The following UNC5A variants were observed in gnomAD, a reference collection of about 807,000 sequenced individuals.
UNC5A encodes the protein unc-5 netrin receptor A.
UNC5A carries 20 observed loss-of-function variants against 87.4 expected under a neutral mutation model. The observed-to-expected ratio is 0.23, with a 90% CI of 0.16 to 0.33. The LOEUF is 0.33. Ranked by LOEUF, UNC5A falls within the 10% of genes least tolerant of loss-of-function variation. The pLI, the probability that UNC5A is intolerant of heterozygous loss-of-function variation, is 1.00. For missense variants in UNC5A, 844 were observed against 1,133.4 expected (o/e 0.74, Z 3.67); for synonymous variants, 438 against 482.3 (o/e 0.91, Z 1.20).
At chr5:176,830,955 C>T (rs1162636701) in intron 1 of UNC5A, among the ~76,000 whole-genome samples, 1 of 139,878 alleles carries the variant, frequency 7.1e-6, no homozygotes, top group Non-Finnish European at 1.6e-5. Flanking sequence ...TGTGTATGTG[C>T]CGGCGTGTGT....
rs768828608 is a variant in UNC5A, at chr5:176,862,809, G to T, written c.256G>T (p.Asp86Tyr). ...CAACGGGGAGTGGGTGCGCCAGGTG[G>T]ACCACGTGATCGAGCGCAGCACAGA... is the stretch of plus-strand genomic sequence containing the variant. ...KCNGEWVRQVDHVIERSTDGS... is the reference protein window; with the variant it reads ...KCNGEWVRQVYHVIERSTDGS... The change falls in exon 2 of 15, where the codon GAC becomes TAC. Residue 86 changes from aspartate (D) to tyrosine (Y), a missense_variant. Asp to Tyr is a radical substitution (Grantham distance 160, BLOSUM62 -3). Around this residue, in one of 3 missense-constraint regions of UNC5A, gnomAD observed 314 missense variants for 466.5 expected, o/e 0.67. Coordinates refer to ENST00000329542, the MANE Select transcript of UNC5A (RefSeq NM_133369.3). 1.2e-6 allele frequency: 2 copies of T among 1,613,302 alleles called. No homozygotes were observed. The highest frequency in any genetic ancestry group is 8.5e-7 in the Non-Finnish European group (1 of 1,179,896).
Position 176,841,005 on chromosome 5 carries a change from C to A in UNC5A, c.71-21619C>A, listed in dbSNP as rs368915606. On this transcript the variant is annotated intron_variant, in intron 1 of 14. Transcript: ENST00000329542. The surrounding 1 kb of genome is among the most constrained non-coding windows in gnomAD (Gnocchi z 4.1). Reference sequence around the variant, plus strand: ...GGTTTCCCCACTGGAAAACCATCCACCTCCTTCACCGGAGAAGGGGGATGA... The same window carrying A: ...GGTTTCCCCACTGGAAAACCATCCAACTCCTTCACCGGAGAAGGGGGATGA... Among the ~76,000 whole-genome samples, 9 of 152,356 alleles carry A rather than the reference C, an allele frequency of 5.9e-5. No homozygotes were observed. The highest frequency in any genetic ancestry group is 1.7e-4 in the African/African-American group (7 of 41,574).
chr5:176,856,997 C>G (rs1176982524), intron 1 of UNC5A, among the ~76,000 whole-genome samples: 1 of 152,248 alleles, frequency 6.6e-6, no homozygotes, highest in Non-Finnish European at 1.5e-5. Flanking sequence ...TGCCTCCTGC[C>G]TTAGGGCCTC....
At chr5:176,872,770 C>A (rs753415920) in intron 6 of UNC5A, among the ~76,000 whole-genome samples, 24 of 102,954 alleles carry the variant, frequency 2.3e-4, no homozygotes, top group East Asian at 6.4e-4. Context: ...CCACAGCTTC[C>A]CATCTGCCCA....
At chr5:176,857,502 A>G (rs777224518) in intron 1 of UNC5A, among the ~76,000 whole-genome samples, 6 of 150,650 alleles carry the variant, frequency 4.0e-5, no homozygotes, top group Non-Finnish European at 5.9e-5. Context: ...ACACACACGC[A>G]CACACACACA....
chr5:176,812,750 C>T (rs987961214), intron 1 of UNC5A, among the ~76,000 whole-genome samples: 12 of 152,136 alleles, frequency 7.9e-5, no homozygotes, highest in African/African-American at 2.7e-4. Context: ...GAGCCTGCCC[C>T]AAGGCATCAA....
At position 176,810,696 on chromosome 5, in the gene UNC5A, G is replaced by A. The variant is rs1756427099; in HGVS notation, c.-55G>A. On this transcript the variant is annotated 5_prime_UTR_variant, in exon 1 of 15. Coordinates refer to ENST00000329542, the MANE Select transcript of UNC5A (RefSeq NM_133369.3). The surrounding 1 kb of genome is among the most constrained non-coding windows in gnomAD (Gnocchi z 7.3). ...GGCTCCGGGCTGAGGCGCTAAAGCC[G>A]CCCTCCCGCCCGCGGGGCCCCGCGC... is the stretch of plus-strand genomic sequence containing the variant. 2 of 726,316 alleles carry A rather than the reference G, an allele frequency of 2.8e-6. No individual in the cohort carries two copies. 45.0% of individuals were successfully genotyped at this position (726,316 alleles called of 1,614,324 possible).
chr5:176,842,787 C>T (rs535533479), intron 1 of UNC5A, among the ~76,000 whole-genome samples: 1 of 152,306 alleles, frequency 6.6e-6, no homozygotes, highest in East Asian at 1.9e-4. Context: ...ACCAAAATCT[C>T]ACAGATCACC....
rs1164437586 is a variant in UNC5A, at chr5:176,810,643, C to T, written c.-108C>T. On this transcript the variant is annotated 5_prime_UTR_variant, in exon 1 of 15. Coordinates refer to ENST00000329542, the MANE Select transcript of UNC5A (RefSeq NM_133369.3). The surrounding 1 kb of genome is among the most constrained non-coding windows in gnomAD (Gnocchi z 7.3). ...GCCCGGAGGCAGCGCAGTCCGCTGG[C>T]ATGGGCCCCGGGGGCGCCCCGAGCT... 1 of 271,586 alleles carries T rather than the reference C, an allele frequency of 3.7e-6. No individual in the cohort carries two copies. The highest frequency in any genetic ancestry group is 5.6e-6 in the Non-Finnish European group (1 of 179,330). 16.8% of individuals were successfully genotyped at this position (271,586 alleles called of 1,614,324 possible).
At chr5:176,864,434 C>T (rs1581270637) in intron 2 of UNC5A, among the ~76,000 whole-genome samples, 1 of 152,210 alleles carries the variant, frequency 6.6e-6, no homozygotes, top group Non-Finnish European at 1.5e-5. Context: ...GGGCAAGGCC[C>T]CTGCCAGGGA....
chr5:176,861,472 T>C (rs1392218443), intron 1 of UNC5A, among the ~76,000 whole-genome samples: 1 of 152,030 alleles, frequency 6.6e-6, no homozygotes. Context: ...AAGGGCGGAC[T>C]CCCACCCTGG....
intron 2 of UNC5A, among the ~76,000 whole-genome samples, chr5:176,863,719 C>CCCTCCTCCCCCTTTTCCCCCTCCCTCT (rs1757898456): frequency 7.4e-6 from 1 of 134,912 alleles, no homozygotes; most frequent in Non-Finnish European, 1.6e-5. Flanking sequence ...CTCCTCCTCC[C>CCCTCCTCCCCCTTTTCCCCCTCCCTCT]CCTCCTCCCC....
Position 176,865,956 on chromosome 5 carries a change from G to A in UNC5A, c.293-2174G>A, listed in dbSNP as rs1157895089. On this transcript the variant is annotated intron_variant, in intron 2 of 14. Coordinates refer to ENST00000329542, the MANE Select transcript of UNC5A (RefSeq NM_133369.3). This position sits in a 1 kb window ranked among gnomAD's most constrained non-coding sequence, Gnocchi z 5.3. ...CCAAGCACTGGAGTCCGGTCTGGGA[G>A]TATAACTTATTTTGTGTTAAACAAA... Among the ~76,000 whole-genome samples, 1 of 152,270 alleles carries A rather than the reference G, an allele frequency of 6.6e-6. No individual in the cohort carries two copies. Among genetic ancestry groups the A allele is most frequent in the East Asian group, 1.9e-4 (1 of 5,204 alleles).
intron 1 of UNC5A, among the ~76,000 whole-genome samples, chr5:176,834,251 C>G (rs940037048): frequency 1.1e-4 from 16 of 152,180 alleles, no homozygotes; most frequent in African/African-American, 3.6e-4. Context: ...AGACAGGGCC[C>G]CCTGCCCGTC....
intron 1 of UNC5A, among the ~76,000 whole-genome samples, chr5:176,834,036 A>G (rs1757090585): frequency 6.6e-6 from 1 of 151,930 alleles, no homozygotes. Context: ...CTCATTCATC[A>G]ACTTAGGTCT....
chr5:176,815,785 C>T (rs1561636309), intron 1 of UNC5A, among the ~76,000 whole-genome samples: 1 of 152,170 alleles, frequency 6.6e-6, no homozygotes, highest in Non-Finnish European at 1.5e-5. Flanking sequence ...GGCAGGGGCC[C>T]CTTCTGGTTG....
intron 1 of UNC5A, among the ~76,000 whole-genome samples, chr5:176,817,985 G>T (rs1756635079): frequency 6.6e-6 from 1 of 152,110 alleles, no homozygotes; most frequent in South Asian, 2.1e-4. Flanking sequence ...CTTTGTTCGG[G>T]GCCTGTTAAC....
chr5:176,845,540 C>T (rs1238104291), intron 1 of UNC5A, among the ~76,000 whole-genome samples: 2 of 152,264 alleles, frequency 1.3e-5, no homozygotes, highest in East Asian at 3.8e-4. Flanking sequence ...CACAGACCCT[C>T]TGCAGCCCAG....
intron 1 of UNC5A, among the ~76,000 whole-genome samples, chr5:176,815,946 G>C (rs374810492): frequency 2.4e-4 from 36 of 152,340 alleles, no homozygotes; most frequent in African/African-American, 8.7e-4. Context: ...TCATGCAACT[G>C]TGTGTTGATG....
Sources: allele counts gnomAD v4.1 joint callset (sites outside exome capture counted in the v4.1 genomes callset), GRCh38; gene constraint gnomAD v4.1.1; regional missense constraint gnomAD v4.1.1; non-coding constraint Gnocchi (gnomAD v3.1); transcripts MANE v1.5; gene names NCBI Gene and HGNC (gene_info 2026-07-23, HGNC 2026-07-21).